ALX4: variants seen among roughly 807,000 people sequenced by gnomAD.
The protein encoded by ALX4 is homeobox protein aristaless-like 4.
Under a neutral mutation model 40.6 loss-of-function variants are expected in ALX4, and 22 were observed. The observed-to-expected ratio is 0.54, with a 90% CI of 0.39 to 0.77. The LOEUF is 0.77. ALX4 is among the 30% of genes least tolerant of loss of function. The pLI is 0.00. For synonymous variants in ALX4, 266 were observed against 240.5 expected (o/e 1.11, Z -0.98); for missense variants, 556 against 564.8 (o/e 0.98, Z 0.16).
At position 44,310,070 on chromosome 11, in the gene ALX4, T is replaced by G. The variant is rs2119926727; in HGVS notation, c.-8A>C. ...GCAAGTCTCAGCATTCATGCCTGGC[T>G]TGCGCAGGCGGCGGGCGGGGACGCG... is the stretch of plus-strand genomic sequence containing the variant. On this transcript the variant is annotated 5_prime_UTR_variant, in exon 1 of 4. Transcript: ENST00000652299. The G allele has an allele frequency of 1.9e-6, 3 of 1,577,856 alleles. No individual in the cohort carries two copies. In the South Asian group the frequency reaches 3.5e-5, roughly 18 times the overall value.
At chr11:44,288,575 A>G (rs1956352290) in intron 1 of ALX4, among the ~76,000 whole-genome samples, 1 of 152,038 alleles carries the variant, frequency 6.6e-6, no homozygotes, top group South Asian at 2.1e-4. Context: ...TCATAATTCT[A>G]CAAGGGGCCT....
chr11:44,294,063 T>C (rs779868639), intron 1 of ALX4, among the ~76,000 whole-genome samples: 28 of 152,172 alleles, frequency 1.8e-4, no homozygotes, highest in Admixed American at 7.9e-4. Context: ...GATGGGCACA[T>C]AGGCATGAGG....
chr11:44,303,630 C>T (rs773658185), intron 1 of ALX4, among the ~76,000 whole-genome samples: 1 of 152,196 alleles, frequency 6.6e-6, no homozygotes, highest in Non-Finnish European at 1.5e-5. Context: ...AACTCCCTTC[C>T]ATTCCTCTCT....
rs1387448087 is a variant in ALX4 at position 44,291,047 on chromosome 11, A to G, written c.467-15389T>C. Among the ~76,000 whole-genome samples, 5 of 152,302 alleles carry G rather than the reference A, an allele frequency of 3.3e-5. No homozygotes were observed. The East Asian group carries it at 7.7e-4, about 24-fold the overall frequency. The stretch of plus-strand genomic sequence containing the variant: ...TCCCCAGGTGCATCCTCTCCAGTTC[A>G]GGTTTCCCGAGCGGCAGCTCCCAGA... On this transcript the variant is annotated intron_variant, in intron 1 of 3. Coordinates refer to ENST00000652299, the MANE Select transcript of ALX4 (RefSeq NM_021926.4).
intron 2 of ALX4, among the ~76,000 whole-genome samples, chr11:44,273,193 A>T (rs866747638): frequency 0.14 from 10,613 of 74,912 alleles, 598 homozygotes; most frequent in African/African-American, 0.21. Flanking sequence ...TGCTGATTAA[A>T]AAAAAAAAAA....
At chr11:44,294,571 G>A (rs565087968) in intron 1 of ALX4, among the ~76,000 whole-genome samples, 6 of 152,138 alleles carry the variant, frequency 3.9e-5, no homozygotes, top group Admixed American at 1.3e-4. Context: ...CCCCCGCTGC[G>A]TTAGGTAGAG....
At chr11:44,298,019 G>C (rs536195340) in intron 1 of ALX4, among the ~76,000 whole-genome samples, 2 of 152,318 alleles carry the variant, frequency 1.3e-5, no homozygotes, top group African/African-American at 4.8e-5. Context: ...TTCTAACCAG[G>C]CTATGGGCTC....
At position 44,277,688 on chromosome 11, in the gene ALX4, G is replaced by A. The variant is rs141426853; in HGVS notation, c.467-2030C>T. 4.2e-3 allele frequency among the ~76,000 whole-genome samples: 636 copies of A among 152,318 alleles called. 5 individuals are homozygous for A. The highest frequency in any genetic ancestry group is 0.014 in the African/African-American group (574 of 41,576). ...TCATTCCTGGCTTTCTGTGCACACT[G>A]GGGAAGCTGAGAGGGACATTTGGCC... is the stretch of plus-strand genomic sequence containing the variant. On this transcript the variant is annotated intron_variant, in intron 1 of 3. Transcript: ENST00000652299.
chr11:44,306,192 C>A (rs1326915322), intron 1 of ALX4, among the ~76,000 whole-genome samples: 1 of 152,234 alleles, frequency 6.6e-6, no homozygotes, highest in Non-Finnish European at 1.5e-5. Flanking sequence ...AAAACGCGGT[C>A]TCCGCACCCA....
rs369033845 is a variant in ALX4 at position 44,265,048 on chromosome 11, C to T, written c.1042G>A (p.Asp348Asn). 3.3e-5 allele frequency: 53 copies of T among 1,612,928 alleles called. No individual in the cohort carries two copies. In the Admixed American group the frequency reaches 3.3e-4, roughly 10 times the overall value. The change falls in exon 4 of 4, where the codon GAC becomes AAC. Residue 348 changes from aspartate (D) to asparagine (N), a missense_variant. Asp to Asn is a conservative substitution (Grantham distance 23). Transcript: ENST00000652299. The stretch of plus-strand genomic sequence containing the variant: ...CCAGCCCCAGACACACTCAGGAAGT[C>T]GGTGACGCTGCTGGCCCCAGAGCCA... ...PPGSGASSVT[D>N]FLSVSGAGSH...
intron 1 of ALX4, among the ~76,000 whole-genome samples, chr11:44,278,407 CA>C (rs2135316447): frequency 6.6e-6 from 1 of 152,292 alleles, no homozygotes; most frequent in East Asian, 1.9e-4. Flanking sequence ...AGAAGGAACC[CA>C]GGGGCCTCAT....
At chr11:44,296,082 T>C (rs1046072701) in intron 1 of ALX4, among the ~76,000 whole-genome samples, 16 of 152,246 alleles carry the variant, frequency 1.1e-4, no homozygotes, top group African/African-American at 3.6e-4. Flanking sequence ...TCTGCAATCC[T>C]GGACTTCACA....
At chr11:44,273,012 A>G (rs1484777349) in intron 2 of ALX4, among the ~76,000 whole-genome samples, 5 of 152,128 alleles carry the variant, frequency 3.3e-5, no homozygotes, top group Non-Finnish European at 5.9e-5. Context: ...TGCCTTCTTA[A>G]ACAGAAAATG....
At position 44,264,976 on chromosome 11, in the gene ALX4, T is replaced by A. The variant is rs985033532; in HGVS notation, c.1114A>T (p.Ser372Cys). ...TAGCCATTGAGGCCTGGGCTGAGGC[T>A]GGCTGCTCCAAACAGGCTGCCCATG... ...THMGSLFGAA[S>C]LSPGLNGYEL... Residue 372 changes from serine to cysteine, a missense_variant, in exon 4 of 4, where the codon AGC (serine) becomes TGC (cysteine). Ser to Cys is a moderately radical substitution (Grantham distance 112). Coordinates refer to ENST00000652299, the MANE Select transcript of ALX4 (RefSeq NM_021926.4). 1 of 1,613,226 alleles carries A rather than the reference T, an allele frequency of 6.2e-7. No homozygotes were observed. The highest frequency in any genetic ancestry group is 1.7e-5 in the Admixed American group (1 of 60,034).
At chr11:44,292,092 C>T (rs1307426550) in intron 1 of ALX4, among the ~76,000 whole-genome samples, 1 of 152,014 alleles carries the variant, frequency 6.6e-6, no homozygotes, top group Non-Finnish European at 1.5e-5. Flanking sequence ...GCTGGGATTA[C>T]AGGTGTGAGC....
rs576862101 is a variant in ALX4, at chr11:44,261,191, G to A, written c.*3663C>T. 6.6e-6 allele frequency: 1 copy of A among 152,324 alleles called. No individual in the cohort carries two copies. Among genetic ancestry groups the A allele is most frequent in the South Asian group, 2.1e-4 (1 of 4,818 alleles). 9.4% of individuals were successfully genotyped at this position (152,324 alleles called of 1,614,324 possible). ...GTTTGCCTTTGCACTGGACAGTAAGGGCCATGAAACAGACCAGGAACCCCC... is the reference window on the plus strand; with the variant it reads ...GTTTGCCTTTGCACTGGACAGTAAGAGCCATGAAACAGACCAGGAACCCCC... On this transcript the variant is annotated 3_prime_UTR_variant, in exon 4 of 4. Coordinates refer to ENST00000652299, the MANE Select transcript of ALX4 (RefSeq NM_021926.4).
intron 2 of ALX4, among the ~76,000 whole-genome samples, chr11:44,273,192 A>G (rs930342284): frequency 5.9e-4 from 2 of 3,392 alleles, no homozygotes; most frequent in Non-Finnish European, 8.2e-3. Context: ...TTGCTGATTA[A>G]AAAAAAAAAA....
At chr11:44,306,517 CG>C (rs1956469538) in intron 1 of ALX4, among the ~76,000 whole-genome samples, 1 of 152,348 alleles carries the variant, frequency 6.6e-6, no homozygotes, top group South Asian at 2.1e-4. Flanking sequence ...TAGTTACACA[CG>C]TGAAAGAACA....
At chr11:44,273,214 T>C (rs911458175) in intron 2 of ALX4, among the ~76,000 whole-genome samples, 1 of 151,410 alleles carries the variant, frequency 6.6e-6, no homozygotes, top group African/African-American at 2.4e-5. Context: ...AAAAAAAGAT[T>C]TCTCTTTGTT....
Sources: allele counts gnomAD v4.1 joint callset (sites outside exome capture counted in the v4.1 genomes callset), GRCh38; gene constraint gnomAD v4.1.1; transcripts MANE v1.5; gene names NCBI Gene and HGNC (gene_info 2026-07-23, HGNC 2026-07-21).